The following FAM163A variants were observed in gnomAD, a reference collection of about 807,000 sequenced individuals.
FAM163A encodes the protein family with sequence similarity 163 member A, also known as protein FAM163A.
A neutral mutation model predicts 12.0 loss-of-function variants in FAM163A; 7 were observed. That is an observed-to-expected ratio of 0.58 (90% CI 0.33 to 1.10). FAM163A has a LOEUF of 1.10. FAM163A is among the 50% of genes least tolerant of loss of function. The probability of loss-of-function intolerance (pLI) is 0.03; values close to 1 mark genes in which losing one functional copy is unlikely to be tolerated. For synonymous variants in FAM163A, 101 were observed against 91.0 expected, an observed-to-expected ratio of 1.11 and a Z score of -0.62; for missense variants, 202 against 218.6, an observed-to-expected ratio of 0.92 and a Z score of 0.48.
chr1:179,795,780 G>A (rs1015280113), intron 1 of FAM163A, among the ~76,000 whole-genome samples: 2 of 152,094 alleles, frequency 1.3e-5, no homozygotes, highest in Admixed American at 6.6e-5. Flanking sequence ...ATTCTGAAGA[G>A]TGTTTATCAT....
rs1332015029 is a variant in FAM163A, at chr1:179,814,214, A to ACAC, written c.*27_*29dup. ...AATCCTTCCACCCCGACCCGCACAC[A>ACAC]CACCCACACTGCTGCCCTGGCGGGG... On this transcript the variant is annotated 3_prime_UTR_variant, in exon 5 of 5. Transcript: ENST00000341785. 2.5e-6 allele frequency: 4 copies of ACAC among 1,573,388 alleles called. No individual in the cohort carries two copies. The highest frequency in any genetic ancestry group is 3.5e-6 in the Non-Finnish European group (4 of 1,156,540).
chr1:179,729,637 T>C, the FAM163A span, among the ~76,000 whole-genome samples: 1 of 152,222 alleles, frequency 6.6e-6, no homozygotes, highest in Non-Finnish European at 1.5e-5. Flanking sequence ...CAAATGAATC[T>C]AGCTATCAGA....
intron 1 of FAM163A, among the ~76,000 whole-genome samples, chr1:179,751,377 C>A (rs1459115939): frequency 6.6e-6 from 1 of 152,048 alleles, no homozygotes; most frequent in Non-Finnish European, 1.5e-5. Flanking sequence ...AAGGGCAGAG[C>A]ATTTCCTGAA....
intron 1 of FAM163A, among the ~76,000 whole-genome samples, chr1:179,744,442 C>G (rs1684151152): frequency 6.6e-6 from 1 of 152,040 alleles, no homozygotes; most frequent in Non-Finnish European, 1.5e-5. Context: ...GGGTAGAGGC[C>G]GAGAGCCGCG....
chr1:179,782,791 G>C (rs956068220), intron 1 of FAM163A, among the ~76,000 whole-genome samples: 2 of 152,204 alleles, frequency 1.3e-5, no homozygotes, highest in African/African-American at 2.4e-5. Flanking sequence ...GAGAAAACTT[G>C]TCTGAGAATA....
intron 1 of FAM163A, among the ~76,000 whole-genome samples, chr1:179,775,241 A>C (rs923263522): frequency 6.6e-6 from 1 of 152,224 alleles, no homozygotes; most frequent in Non-Finnish European, 1.5e-5. Context: ...GTGAAATTAC[A>C]GAGGTCATAC....
At chr1:179,746,757 C>T (rs374770876) in intron 1 of FAM163A, among the ~76,000 whole-genome samples, 22 of 152,252 alleles carry the variant, frequency 1.4e-4, no homozygotes, top group East Asian at 3.9e-4. Flanking sequence ...TGTGGGGTGA[C>T]GTACCCCACC....
At chr1:179,785,385 G>A (rs1186480568) in intron 1 of FAM163A, among the ~76,000 whole-genome samples, 1 of 152,120 alleles carries the variant, frequency 6.6e-6, no homozygotes, top group African/African-American at 2.4e-5. Context: ...TCCAACTGAG[G>A]TTTTCTTTGA....
At chr1:179,810,663 A>G (rs904272) in intron 2 of FAM163A, among the ~76,000 whole-genome samples, 78,967 of 151,978 alleles carry the variant, frequency 0.52, 23,483 homozygotes, top group African/African-American at 0.82. Context: ...CCGCAACTCT[A>G]GTCTGCAATT....
At chr1:179,736,606 G>A in the FAM163A span, among the ~76,000 whole-genome samples, 68 of 152,140 alleles carry the variant, frequency 4.5e-4, no homozygotes, top group African/African-American at 1.5e-3. Context: ...TCAGGAGTTC[G>A]AGACCAACTT....
At chr1:179,760,676 G>T (rs1686688962) in intron 1 of FAM163A, among the ~76,000 whole-genome samples, 1 of 152,208 alleles carries the variant, frequency 6.6e-6, no homozygotes, top group South Asian at 2.1e-4. Flanking sequence ...GCAGCCAGAG[G>T]CTCCAGGAAC....
At chr1:179,801,038 C>T (rs1693101602) in intron 1 of FAM163A, among the ~76,000 whole-genome samples, 1 of 152,086 alleles carries the variant, frequency 6.6e-6, no homozygotes, top group African/African-American at 2.4e-5. Context: ...CATGGTCACC[C>T]CTGGCTCCAA....
At chr1:179,749,178 G>A (rs1684912752) in intron 1 of FAM163A, among the ~76,000 whole-genome samples, 1 of 152,122 alleles carries the variant, frequency 6.6e-6, no homozygotes, top group South Asian at 2.1e-4. Flanking sequence ...ATCTACTCTT[G>A]CATTCCAAAA....
intron 1 of FAM163A, among the ~76,000 whole-genome samples, chr1:179,758,800 G>A (rs1260469987): frequency 6.6e-6 from 1 of 152,134 alleles, no homozygotes; most frequent in East Asian, 1.9e-4. Flanking sequence ...GGCTGCCTCA[G>A]CCCCTTCCTT....
chr1:179,728,203 C>T, the FAM163A span, among the ~76,000 whole-genome samples: 3 of 152,112 alleles, frequency 2.0e-5, no homozygotes, highest in Non-Finnish European at 4.4e-5. Context: ...ATTCAAAGTT[C>T]ATTTTTTCCT....
At position 179,798,540 on chromosome 1, in the gene FAM163A, T is replaced by A. The variant is rs539600292; in HGVS notation, c.-135-9258T>A. Among the ~76,000 whole-genome samples the A allele has an allele frequency of 7.4e-4, 113 of 152,376 alleles. 1 individual carries two copies. Among genetic ancestry groups the A allele is most frequent in the African/African-American group, 2.6e-3 (110 of 41,588 alleles). Reference sequence around the variant, plus strand: ...GCCCCTGGGCTTTTCACAGTCCTCCTCGGGGCACTTTTGCCCATCTTAGAA... The same window carrying A: ...GCCCCTGGGCTTTTCACAGTCCTCCACGGGGCACTTTTGCCCATCTTAGAA... On this transcript the variant is annotated intron_variant, in intron 1 of 4. Transcript: ENST00000341785.
the FAM163A span, among the ~76,000 whole-genome samples, chr1:179,734,469 A>G: frequency 6.6e-6 from 1 of 152,202 alleles, no homozygotes; most frequent in Non-Finnish European, 1.5e-5. Flanking sequence ...AATCAATAAA[A>G]ACATAGAAAT....
chr1:179,783,440 T>C lies in FAM163A; in HGVS notation c.-135-24358T>C, dbSNP rs151266246. On this transcript the variant is annotated intron_variant, in intron 1 of 4. Transcript: ENST00000341785. Reference sequence around the variant, plus strand: ...CGTTTGGGAAAATAGTTTGACAATGTTTATTTTTTAAATGTGCATTAAAAA... The same window carrying C: ...CGTTTGGGAAAATAGTTTGACAATGCTTATTTTTTAAATGTGCATTAAAAA... Among the ~76,000 whole-genome samples, 36 of 152,314 alleles carry C rather than the reference T, an allele frequency of 2.4e-4. No homozygotes were observed. In the East Asian group the frequency reaches 5.8e-3, roughly 24 times the overall value.
upstream of FAM163A, among the ~76,000 whole-genome samples, chr1:179,741,222 G>A (rs1035035391): frequency 6.6e-6 from 1 of 152,200 alleles, no homozygotes; most frequent in African/African-American, 2.4e-5. Flanking sequence ...ATGAAACGAA[G>A]ATCACAGTGA....
Sources: allele counts gnomAD v4.1 joint callset (sites outside exome capture counted in the v4.1 genomes callset), GRCh38; gene constraint gnomAD v4.1.1; transcripts MANE v1.5; gene names NCBI Gene and HGNC (gene_info 2026-07-23, HGNC 2026-07-21).